The following EPG5 variants were observed in gnomAD, a reference collection of about 807,000 sequenced individuals.
The protein encoded by EPG5 is ectopic P-granules 5 autophagy tethering factor, also known as ectopic P granules protein 5 homolog.
In EPG5, 159 loss-of-function variants were observed where a neutral mutation model predicts 302.7. That is an observed-to-expected ratio of 0.53 (90% confidence interval 0.46 to 0.60). The LOEUF (loss-of-function observed/expected upper bound fraction) is 0.60. Among genes scored for constraint, EPG5 ranks in the 20% least tolerant of loss-of-function variants. EPG5 has a pLI of 0.00. For missense variants in EPG5, 2,896 were observed against 3,092.4 expected (o/e 0.94, Z 1.51); for synonymous variants, 1,158 against 1,136.8 (o/e 1.02, Z -0.37).
At chr18:45,828,110 G>A in the EPG5 span, among the ~76,000 whole-genome samples, 17 of 152,296 alleles carry the variant, frequency 1.1e-4, no homozygotes, top group East Asian at 3.3e-3. Flanking sequence ...AGACATCCAG[G>A]CCACGGCCTG....
the EPG5 span, among the ~76,000 whole-genome samples, chr18:45,839,266 G>GA: frequency 5.4e-3 from 817 of 152,314 alleles, 4 homozygotes; most frequent in Middle Eastern, 0.02. Context: ...TAACCAGCAC[G>GA]AAAAAATCCC....
Position 45,847,652 on chromosome 18 carries a change from C to T in EPG5, c.*4815G>A, listed in dbSNP as rs2048376177. 6.6e-6 allele frequency: 1 copy of T among 152,432 alleles called. No homozygotes were observed. The highest frequency in any genetic ancestry group is 2.4e-5 in the African/African-American group (1 of 41,364). 9.4% of individuals were successfully genotyped at this position (152,432 alleles called of 1,614,324 possible). ...AGTTTATTTGCAGAATTTTACTTAA[C>T]CAGTTGTCATTTCTTCCTGTTTCTC... On this transcript the variant is annotated 3_prime_UTR_variant, in exon 44 of 44. Coordinates refer to ENST00000282041, the MANE Select transcript of EPG5 (RefSeq NM_020964.3).
At chr18:45,863,760 G>T (rs557649036) in intron 39 of EPG5, among the ~76,000 whole-genome samples, 1 of 152,340 alleles carries the variant, frequency 6.6e-6, no homozygotes, top group East Asian at 1.9e-4. Context: ...GAAGTCAGCT[G>T]TCAGTCTAAA....
chr18:45,823,944 A>G, the EPG5 span, among the ~76,000 whole-genome samples: 1 of 152,352 alleles, frequency 6.6e-6, no homozygotes, highest in East Asian at 1.9e-4. Flanking sequence ...CCTGAACCTT[A>G]TATCTGGGGG....
chr18:45,889,976 C>G, intron 27 of EPG5, 36 bp from the exon 28 acceptor site: 2 of 1,518,500 alleles, frequency 1.3e-6, no homozygotes, highest in Non-Finnish European at 1.8e-6. Flanking sequence ...GACATTTCCC[C>G]CCATGTGTCA....
At chr18:45,920,540 C>T (rs1053834605) in intron 16 of EPG5, among the ~76,000 whole-genome samples, 1 of 152,174 alleles carries the variant, frequency 6.6e-6, no homozygotes. Flanking sequence ...CTGGTGAGAG[C>T]CTCAGGCTGC....
At chr18:45,837,593 A>G in the EPG5 span, 3 of 1,512,122 alleles carry the variant, frequency 2.0e-6, no homozygotes, top group Non-Finnish European at 2.6e-6. Context: ...GCTGCCCTGC[A>G]CCTTCACGCA....
chr18:45,830,852 C>G, the EPG5 span, among the ~76,000 whole-genome samples: 2 of 151,674 alleles, frequency 1.3e-5, no homozygotes, highest in Admixed American at 1.3e-4. Context: ...CCCGCCTCAG[C>G]CTCCCAAAAT....
intron 1 of EPG5, among the ~76,000 whole-genome samples, chr18:45,966,264 CGGGA>C (rs1357682896): frequency 6.8e-6 from 1 of 147,460 alleles, no homozygotes; most frequent in East Asian, 2.0e-4. Flanking sequence ...CCCAGCTACT[CGGGA>C]GGGAGGCTGA....
chr18:45,961,950 T>C (rs1161196871), intron 1 of EPG5, among the ~76,000 whole-genome samples: 1 of 151,992 alleles, frequency 6.6e-6, no homozygotes, highest in Non-Finnish European at 1.5e-5. Flanking sequence ...CTTTTTTCCA[T>C]AGCGCTTATA....
rs374002995 is a variant in EPG5, at chr18:45,925,735, T to C, written c.2718+3A>G. ...GTCTCCAGGGAATGGTTTGAACACA[T>C]ACCTGTTTAGCAAATCCCCAATTCA... On this transcript the variant is annotated splice_donor_region_variant and intron_variant, in intron 14 of 43. Coordinates refer to ENST00000282041, the MANE Select transcript of EPG5 (RefSeq NM_020964.3). 167 of 1,525,414 alleles carry C rather than the reference T, an allele frequency of 1.1e-4. No homozygotes were observed. The highest frequency in any genetic ancestry group is 1.0e-4 in the Non-Finnish European group (119 of 1,141,736). The allele number at this position is 1,525,414 out of a possible 1,614,324, so 94.5% of individuals were successfully genotyped here.
intron 42 of EPG5, among the ~76,000 whole-genome samples, chr18:45,856,360 TAATGTC>T (rs1472108655): frequency 6.6e-6 from 1 of 152,240 alleles, no homozygotes; most frequent in Non-Finnish European, 1.5e-5. Flanking sequence ...CATAAAGTCA[TAATGTC>T]AATTAGTGGT....
At chr18:45,826,780 G>A in the EPG5 span, among the ~76,000 whole-genome samples, 10 of 152,312 alleles carry the variant, frequency 6.6e-5, no homozygotes, top group East Asian at 1.5e-3. Flanking sequence ...CCCATCTGGC[G>A]TGTACTCAGA....
At chr18:45,916,690 C>A in intron 17 of EPG5, 108 bp from the exon 18 acceptor site, 1 of 1,176,884 alleles carries the variant, frequency 8.5e-7, no homozygotes, top group Non-Finnish European at 1.2e-6. Context: ...TCCCATTTTT[C>A]GACCAAAGCA....
At chr18:45,842,071 G>A in the EPG5 span, 99,453 of 1,606,896 alleles carry the variant, frequency 0.062, 3,336 homozygotes, top group South Asian at 0.075. Context: ...CCTCCCACCT[G>A]TTTGGATGAT....
intron 28 of EPG5, among the ~76,000 whole-genome samples, chr18:45,888,738 C>T (rs909567259): frequency 2.0e-5 from 3 of 152,180 alleles, no homozygotes; most frequent in Non-Finnish European, 4.4e-5. Flanking sequence ...CTGCATCTGG[C>T]CGATTTTCAA....
chr18:45,849,416 A>G lies in EPG5; in HGVS notation c.*3051T>C, dbSNP rs2048396119. 1 of 152,244 alleles carries G rather than the reference A, an allele frequency of 6.6e-6. No homozygotes were observed. The highest frequency in any genetic ancestry group is 2.1e-4 in the South Asian group (1 of 4,832). 9.4% of individuals were successfully genotyped at this position (152,244 alleles called of 1,614,324 possible). ...CCCTGCAGAGTGAGAGGGGCACTAGATGAACGTGAATGACCCTTCTGACTG... is the reference window on the plus strand; with the variant it reads ...CCCTGCAGAGTGAGAGGGGCACTAGGTGAACGTGAATGACCCTTCTGACTG... On this transcript the variant is annotated 3_prime_UTR_variant, in exon 44 of 44. Transcript: ENST00000282041.
At chr18:45,815,049 T>C in the EPG5 span, among the ~76,000 whole-genome samples, 1 of 152,118 alleles carries the variant, frequency 6.6e-6, no homozygotes, top group Non-Finnish European at 1.5e-5. Context: ...TGTGCTGTAG[T>C]GGAAAGGGCT....
At chr18:45,827,809 T>TC in the EPG5 span, among the ~76,000 whole-genome samples, 1 of 152,192 alleles carries the variant, frequency 6.6e-6, no homozygotes, top group South Asian at 2.1e-4. Flanking sequence ...TTTCTTTTTT[T>TC]CTCTCCTGTT....
Sources: gnomAD v4.1 joint callset for allele counts (sites outside exome capture counted in the v4.1 genomes callset) on GRCh38, gnomAD v4.1.1 for gene constraint, MANE v1.5 for transcripts, NCBI Gene and HGNC (gene_info 2026-07-23, HGNC 2026-07-21) for gene names.